Variants in IPCEF1 observed in about 807,000 individuals in gnomAD.
IPCEF1 encodes the protein interactor protein for cytohesin exchange factors 1.
Under a neutral mutation model 50.9 loss-of-function variants are expected in IPCEF1, and 31 were observed. The observed-to-expected ratio is 0.61, with a 90% CI of 0.46 to 0.82. IPCEF1 has a LOEUF of 0.82. Among genes scored for constraint, IPCEF1 ranks in the 40% least tolerant of loss-of-function variants. IPCEF1 has a pLI of 0.00. For missense variants in IPCEF1, 458 were observed against 514.0 expected (o/e 0.89, Z 1.05); for synonymous variants, 181 against 192.0 (o/e 0.94, Z 0.47).
intron 3 of IPCEF1, among the ~76,000 whole-genome samples, chr6:154,263,878 A>AC (rs566260870): frequency 1.8e-5 from 1 of 54,816 alleles, no homozygotes; most frequent in Admixed American, 2.6e-4. Context: ...CGGGGGGCTG[A>AC]CCCCCCCACC....
At chr6:154,241,256 A>G (rs1266530338) in intron 5 of IPCEF1, among the ~76,000 whole-genome samples, 3 of 144,406 alleles carry the variant, frequency 2.1e-5, no homozygotes, top group African/African-American at 5.2e-5. Flanking sequence ...AAAAAAAAAG[A>G]GAGAGAGAGA....
intron 5 of IPCEF1, among the ~76,000 whole-genome samples, chr6:154,224,710 TAAAAAAAACA>T (rs1278934320): frequency 6.6e-6 from 1 of 151,440 alleles, no homozygotes; most frequent in Non-Finnish European, 1.5e-5. Flanking sequence ...GACTCTGTCT[TAAAAAAAACA>T]AACAAACAAA....
intron 2 of IPCEF1, among the ~76,000 whole-genome samples, chr6:154,267,376 T>C (rs1057417528): frequency 6.6e-6 from 1 of 151,668 alleles, no homozygotes; most frequent in Non-Finnish European, 1.5e-5. Flanking sequence ...TGATTCCATT[T>C]TTATTCTTCA....
intron 1 of IPCEF1, among the ~76,000 whole-genome samples, chr6:154,351,196 T>C (rs879372108): frequency 2.0e-5 from 3 of 152,180 alleles, no homozygotes; most frequent in Non-Finnish European, 2.9e-5. Context: ...GCCCCATCAA[T>C]ATGGGTCCAA....
intron 1 of IPCEF1, among the ~76,000 whole-genome samples, chr6:154,350,304 C>T (rs547420663): frequency 2.6e-5 from 4 of 152,282 alleles, no homozygotes; most frequent in South Asian, 4.1e-4. Context: ...CCCAAATAGA[C>T]GCTGATGTTC....
intron 1 of IPCEF1, among the ~76,000 whole-genome samples, chr6:154,315,859 A>G (rs2128683592): frequency 6.6e-6 from 1 of 151,904 alleles, no homozygotes; most frequent in East Asian, 1.9e-4. Flanking sequence ...GGACAGTCTC[A>G]CTCTGTCACC....
At chr6:154,298,962 CAAA>C (rs35478569) in intron 1 of IPCEF1, among the ~76,000 whole-genome samples, 1 of 94,372 alleles carries the variant, frequency 1.1e-5, no homozygotes, top group Non-Finnish European at 2.4e-5. Context: ...AACTCCATCT[CAAA>C]AAAAAAAAAA....
intron 10 of IPCEF1, among the ~76,000 whole-genome samples, chr6:154,178,935 G>A (rs1241055917): frequency 6.6e-6 from 1 of 152,182 alleles, no homozygotes; most frequent in East Asian, 1.9e-4. Flanking sequence ...ATAAATTCTG[G>A]TGTTAGGAAT....
At chr6:154,236,327 G>T (rs930278359) in intron 5 of IPCEF1, among the ~76,000 whole-genome samples, 7 of 152,182 alleles carry the variant, frequency 4.6e-5, no homozygotes, top group African/African-American at 1.7e-4. Context: ...CCACTTATAG[G>T]AGGGAACTAC....
At chr6:154,339,571 C>T (rs1169000716) in intron 1 of IPCEF1, among the ~76,000 whole-genome samples, 1 of 148,774 alleles carries the variant, frequency 6.7e-6, no homozygotes, top group Non-Finnish European at 1.5e-5. Context: ...TTATGCCTGG[C>T]GTTTTTTGTT....
At chr6:154,338,347 G>A (rs1783832629) in intron 1 of IPCEF1, among the ~76,000 whole-genome samples, 1 of 152,176 alleles carries the variant, frequency 6.6e-6, no homozygotes, top group African/African-American at 2.4e-5. Flanking sequence ...CCACTTTATG[G>A]ATAGGGAACT....
At chr6:154,350,975 T>C (rs2473544) in intron 1 of IPCEF1, among the ~76,000 whole-genome samples, 54,160 of 151,828 alleles carry the variant, frequency 0.36, 10,451 homozygotes, top group Middle Eastern at 0.5. Context: ...CCAACTCCGC[T>C]TCCCAAAGTG....
chr6:154,352,061 T>C lies in IPCEF1; in HGVS notation c.-62+4611A>G, dbSNP rs771398836. Among the ~76,000 whole-genome samples, 10 of 152,154 alleles carry C rather than the reference T, an allele frequency of 6.6e-5. No individual in the cohort carries two copies. In the South Asian group the frequency reaches 1.0e-3, roughly 16 times the overall value. ...CACACCTAGGTGATGAGTTGATCTA[T>C]GCAGCAAACCACCATGGCACACATT... On this transcript the variant is annotated intron_variant, in intron 1 of 11. Coordinates refer to ENST00000367220, the MANE Select transcript of IPCEF1 (RefSeq NM_001130700.2).
chr6:154,229,346 GTTT>G (rs34462600), intron 5 of IPCEF1, among the ~76,000 whole-genome samples: 30 of 112,620 alleles, frequency 2.7e-4, no homozygotes, highest in South Asian at 9.2e-4. Context: ...AAGTTTGCCG[GTTT>G]TTTTTTTTTT....
intron 1 of IPCEF1, among the ~76,000 whole-genome samples, chr6:154,354,247 C>T (rs1471075754): frequency 1.3e-5 from 2 of 152,146 alleles, no homozygotes; most frequent in Non-Finnish European, 2.9e-5. Context: ...TACTGACCTT[C>T]CCATGATTAC....
At chr6:154,275,466 C>T (rs1782032680) in intron 2 of IPCEF1, among the ~76,000 whole-genome samples, 1 of 152,176 alleles carries the variant, frequency 6.6e-6, no homozygotes, top group Admixed American at 6.6e-5. Context: ...TGCTTCACTC[C>T]AGCCGGTGGG....
At chr6:154,247,024 C>A (rs190744798) in intron 4 of IPCEF1, 2 of 426,116 alleles carry the variant, frequency 4.7e-6, no homozygotes, top group Middle Eastern at 6.4e-4. Flanking sequence ...AAAGAAACAG[C>A]GCAGCAGGAG....
At chr6:154,319,873 A>G (rs777966693) in intron 1 of IPCEF1, among the ~76,000 whole-genome samples, 20 of 152,192 alleles carry the variant, frequency 1.3e-4, no homozygotes, top group Non-Finnish European at 2.8e-4. Flanking sequence ...CTTGGCTTTC[A>G]AGAGGTCTCT....
intron 1 of IPCEF1, among the ~76,000 whole-genome samples, chr6:154,352,930 T>TGACAAA (rs1308956522): frequency 3.9e-5 from 6 of 152,240 alleles, no homozygotes; most frequent in Admixed American, 1.3e-4. Flanking sequence ...AATTAATAAC[T>TGACAAA]GACAAATTGA....
Sources: gnomAD v4.1 joint callset for allele counts (sites outside exome capture counted in the v4.1 genomes callset) on GRCh38, gnomAD v4.1.1 for gene constraint, MANE v1.5 for transcripts, NCBI Gene and HGNC (gene_info 2026-07-23, HGNC 2026-07-21) for gene names.